PREB: variants seen among roughly 807,000 people sequenced by gnomAD.
PREB encodes prolactin regulatory element binding, also known as guanine nucleotide-exchange factor SEC12.
In PREB, 29 loss-of-function variants were observed where a neutral mutation model predicts 46.7. That is an observed-to-expected ratio of 0.62 (90% CI 0.46 to 0.85). The LOEUF is 0.85. Ranked by LOEUF, PREB falls within the 40% of genes least tolerant of loss-of-function variation. PREB has a pLI of 0.00. For missense variants in PREB, 494 were observed against 528.4 expected (o/e 0.93, Z 0.64); for synonymous variants, 224 against 220.1 (o/e 1.02, Z -0.16).
rs1672316849 is a variant in PREB at position 27,132,411 on chromosome 2, C to T, written c.753-8G>A. Reference sequence around the variant, plus strand: ...TCTGGAACCTGCCCAAACCTGGGGGCCGGATGAGGGGCTATTCAGCTCCTA... The same window carrying T: ...TCTGGAACCTGCCCAAACCTGGGGGTCGGATGAGGGGCTATTCAGCTCCTA... On this transcript the variant is annotated splice_region_variant and splice_polypyrimidine_tract_variant and intron_variant, in intron 5 of 8. Transcript: ENST00000260643. The surrounding 1 kb of genome is among the most constrained non-coding windows in gnomAD (Gnocchi z 4.0). 7 of 1,608,234 alleles carry T rather than the reference C, an allele frequency of 4.4e-6. No homozygotes were observed. The highest frequency in any genetic ancestry group is 5.9e-6 in the Non-Finnish European group (7 of 1,177,974).
intron 8 of PREB, 30 bp downstream of exon 8, chr2:27,131,642 G>A: frequency 6.2e-7 from 1 of 1,611,000 alleles, no homozygotes; most frequent in African/African-American, 1.3e-5. Context: ...ACGTGGGGTG[G>A]TGCCTGCCTG....
In PREB at chr2:27,132,384, G is replaced by A; in HGVS notation, c.772C>T (p.Gln258Ter). 1 of 1,612,056 alleles carries A rather than the reference G, an allele frequency of 6.2e-7. No homozygotes were observed. The highest frequency in any genetic ancestry group is 1.7e-5 in the Admixed American group (1 of 60,018). ...GTGAAGAGTCGCAGGCCAGCAGGCT[G>A]GTCTGGAACCTGCCCAAACCTGGGG... ...QACRFGQVPD[Q>*]PAGLRLFTVQ... The change falls in exon 6 of 9, where the codon CAG (glutamine) becomes TAG (stop). Residue 258 changes from glutamine to a stop codon, truncating the protein, a stop_gained. Transcript: ENST00000260643. LOFTEE classifies it high-confidence loss of function. This position sits in a 1 kb window ranked among gnomAD's most constrained non-coding sequence, Gnocchi z 4.0.
In PREB at chr2:27,130,762, G is replaced by C. The variant is rs41288799; in HGVS notation, c.*652C>G. The C allele has an allele frequency of 0.032, 51,869 of 1,609,370 alleles. 1,001 individuals are homozygous for C. Among genetic ancestry groups the C allele is most frequent in the Non-Finnish European group, 0.038 (45,066 of 1,175,838 alleles). On this transcript the variant is annotated 3_prime_UTR_variant, in exon 9 of 9. Coordinates refer to ENST00000260643, the MANE Select transcript of PREB (RefSeq NM_013388.6). ...ACAGCTGACAAGAGTACCATTTGGG[G>C]TCTCAGTTCACTCTTTCCTTGTTTA...
In PREB at chr2:27,133,912, C is replaced by T; in HGVS notation, c.136-191G>A. On this transcript the variant is annotated intron_variant, in intron 1 of 8. Coordinates refer to ENST00000260643, the MANE Select transcript of PREB (RefSeq NM_013388.6). ...GACTGGGATTATTACCTCTATTTTA[C>T]AGAACAGGGTGAAGCTCAGGAGAGG... The T allele has an allele frequency of 4.7e-6, 3 of 640,010 alleles. No homozygotes were observed. In the South Asian group the frequency reaches 6.0e-5, roughly 13 times the overall value. The allele number at this position is 640,010 out of a possible 1,614,324, so 39.6% of individuals were successfully genotyped here.
Position 27,132,414 on chromosome 2 carries a change from G to A in PREB, c.753-11C>T, listed in dbSNP as rs1269217175. ...GGAACCTGCCCAAACCTGGGGGCCG[G>A]ATGAGGGGCTATTCAGCTCCTAGGG... On this transcript the variant is annotated splice_polypyrimidine_tract_variant and intron_variant, in intron 5 of 8. Coordinates refer to ENST00000260643, the MANE Select transcript of PREB (RefSeq NM_013388.6). This position sits in a 1 kb window ranked among gnomAD's most constrained non-coding sequence, Gnocchi z 4.0. 2 of 1,608,262 alleles carry A rather than the reference G, an allele frequency of 1.2e-6. No individual in the cohort carries two copies. The highest frequency in any genetic ancestry group is 2.2e-5 in the East Asian group (1 of 44,828).
intron 1 of PREB, chr2:27,133,996 G>A (rs986359151): frequency 3.3e-6 from 2 of 606,486 alleles, no homozygotes; most frequent in Non-Finnish European, 5.7e-6. Flanking sequence ...GGGCAGGCAA[G>A]ACCTCCCGGA....
Position 27,132,393 on chromosome 2 carries a change from C to A in PREB, c.763G>T (p.Val255Phe). 1 of 1,610,690 alleles carries A rather than the reference C, an allele frequency of 6.2e-7. No homozygotes were observed. The highest frequency in any genetic ancestry group is 2.2e-5 in the East Asian group (1 of 44,836). ...YRYQACRFGQ[V>F]PDQPAGLRLF... is the part of the protein sequence containing the mutation. ...CGCAGGCCAGCAGGCTGGTCTGGAA[C>A]CTGCCCAAACCTGGGGGCCGGATGA... Residue 255 changes from valine (V) to phenylalanine (F), a missense_variant, in exon 6 of 9, where the codon GTT becomes TTT. Transcript: ENST00000260643. This position sits in a 1 kb window ranked among gnomAD's most constrained non-coding sequence, Gnocchi z 4.0.
Position 27,132,563 on chromosome 2 carries a change from G to A in PREB, c.752+40C>T, listed in dbSNP as rs1672324664. On this transcript the variant is annotated intron_variant, in intron 5 of 8. Coordinates refer to ENST00000260643, the MANE Select transcript of PREB (RefSeq NM_013388.6). This position sits in a 1 kb window ranked among gnomAD's most constrained non-coding sequence, Gnocchi z 4.0. The stretch of plus-strand genomic sequence containing the variant: ...CTTTTCCCTCTCCCCCACCACAGCT[G>A]GGCTATGCCTCTTTCAGCCACCACC... 1.1e-5 allele frequency: 17 copies of A among 1,611,966 alleles called. No individual in the cohort carries two copies. The highest frequency in any genetic ancestry group is 1.4e-5 in the Non-Finnish European group (17 of 1,179,244).
Position 27,132,359 on chromosome 2 carries a change from G to C in PREB, c.797C>G (p.Thr266Arg). 6.2e-7 allele frequency: 1 copy of C among 1,613,652 alleles called. No homozygotes were observed. Among genetic ancestry groups the C allele is most frequent in the Non-Finnish European group, 8.5e-7 (1 of 1,179,990 alleles). Residue 266 changes from threonine to arginine, a missense_variant, in exon 6 of 9, where the codon ACA becomes AGA. Coordinates refer to ENST00000260643, the MANE Select transcript of PREB (RefSeq NM_013388.6). This position sits in a 1 kb window ranked among gnomAD's most constrained non-coding sequence, Gnocchi z 4.0. ...CAGGCGCTTGTGGGGAATTTGCACT[G>C]TGAAGAGTCGCAGGCCAGCAGGCTG... ...PDQPAGLRLF[T>R]VQIPHKRLRQ... is the part of the protein sequence containing the mutation.
At position 27,133,761 on chromosome 2, in the gene PREB, C is replaced by T. The variant is rs776946527; in HGVS notation, c.136-40G>A. On this transcript the variant is annotated intron_variant, in intron 1 of 8. Transcript: ENST00000260643. ...ACCCGGATGAGCAAGTTCAGGGGTG[C>T]CCAGAGAGCACGTTTAGGGAAGAGT... 3.1e-6 allele frequency: 5 copies of T among 1,589,890 alleles called. No homozygotes were observed. In the South Asian group the frequency reaches 4.5e-5, roughly 14 times the overall value.
chr2:27,133,614 G>A lies in PREB; in HGVS notation c.243C>T (p.Ile81=). The stretch of plus-strand genomic sequence containing the variant: ...AGTGGGCATCCTGCCCTGCAGCAAG[G>A]ATGTCACCAGCCAGTGCCAAGTTCA... ...ATMNLALAGD[I]LAAGQDAHCQ... The change falls in exon 2 of 9, where the codon ATC becomes ATT. Residue 81 remains isoleucine (I), a synonymous_variant. Transcript: ENST00000260643. The A allele has an allele frequency of 3.1e-6, 5 of 1,614,204 alleles. No individual in the cohort carries two copies. The highest frequency in any genetic ancestry group is 4.2e-6 in the Non-Finnish European group (5 of 1,180,038).
rs1374473844 is a variant in PREB, at chr2:27,131,763, A to C, written c.1068T>G (p.Gly356=). 1.9e-6 allele frequency: 3 copies of C among 1,613,986 alleles called. No individual in the cohort carries two copies. The highest frequency in any genetic ancestry group is 2.5e-6 in the Non-Finnish European group (3 of 1,179,940). ...GGGACCCAAGGAGCTCTGGACCACG[A>C]CCCTTCTCAGGTAGAAAGGCCACAT... The part of the protein sequence containing the change: ...VTDVAFLPEK[G]RGPELLGSHE... Residue 356 remains glycine, a synonymous_variant, in exon 8 of 9, where the codon GGT becomes GGG. Coordinates refer to ENST00000260643, the MANE Select transcript of PREB (RefSeq NM_013388.6).
chr2:27,134,378 G>A lies in PREB; in HGVS notation c.44C>T (p.Pro15Leu), dbSNP rs762876469. 3.8e-5 allele frequency: 61 copies of A among 1,610,228 alleles called. No homozygotes were observed. The South Asian group carries it at 5.1e-4, about 13-fold the overall frequency. Reference sequence around the variant, plus strand: ...GGGGTCGACCTGAAGCGCGTACAACGGGAACGGAGCCCGGTACAGCTCTGG... The same window carrying A: ...GGGGTCGACCTGAAGCGCGTACAACAGGAACGGAGCCCGGTACAGCTCTGG... Reference protein sequence around the residue: ...RAPELYRAPFPLYALQVDPST... With the variant: ...RAPELYRAPFLLYALQVDPST... The change falls in exon 1 of 9, where the codon CCG becomes CTG. Residue 15 changes from proline (P) to leucine (L), a missense_variant. By Grantham distance (98) the Pro-to-Leu change is moderately conservative. Transcript: ENST00000260643.
intron 7 of PREB, 79 bp from the exon 8 acceptor site, chr2:27,131,910 G>A (rs1019133136): frequency 2.5e-6 from 4 of 1,592,098 alleles, no homozygotes; most frequent in Non-Finnish European, 3.4e-6. Context: ...CCACCCCCAG[G>A]ATTTCCCTCG....
chr2:27,131,971 C>G (rs775136504), intron 7 of PREB, 39 bp downstream of exon 7: 1 of 1,602,034 alleles, frequency 6.2e-7, no homozygotes, highest in South Asian at 1.1e-5. Flanking sequence ...GACAGGCCTA[C>G]AGTCCACCCA....
rs746704895 is a variant in PREB at position 27,133,570 on chromosome 2, T to C, written c.287A>G (p.Gln96Arg). ...QDAHCQLLRF[Q>R]AHQQQGNKAE... ...CTTGTTGCCCTGCTGTTGATGTGCC[T>C]GGAAGCGCAGGAGCTGACAGTGGGC... is the stretch of plus-strand genomic sequence containing the variant. The change falls in exon 2 of 9, where the codon CAG (glutamine) becomes CGG (arginine). Residue 96 changes from glutamine to arginine, a missense_variant. Gln to Arg is a conservative substitution (Grantham distance 43, BLOSUM62 1). Coordinates refer to ENST00000260643, the MANE Select transcript of PREB (RefSeq NM_013388.6). The C allele has an allele frequency of 6.2e-6, 10 of 1,613,980 alleles. No individual in the cohort carries two copies. The highest frequency in any genetic ancestry group is 1.3e-5 in the African/African-American group (1 of 74,944).
At chr2:27,134,209 GC>G in intron 1 of PREB, 77 bp downstream of exon 1, 1 of 1,442,972 alleles carries the variant, frequency 6.9e-7, no homozygotes. Flanking sequence ...AGTGTGGCCC[GC>G]CCCGCGACCC....
At chr2:27,134,127 T>C in intron 1 of PREB, 160 bp downstream of exon 1, 1 of 980,474 alleles carries the variant, frequency 1.0e-6, no homozygotes, top group Non-Finnish European at 1.5e-6. Context: ...CGCTGAGTTC[T>C]CGACTGAAAT....
rs376415613 is a variant in PREB, at chr2:27,133,490, G to A, written c.325+42C>T. On this transcript the variant is annotated intron_variant, in intron 2 of 8. Transcript: ENST00000260643. ...AGAGACACCAAGAGTGACCTTACTCGTTCAACCCTTTCCCCAAGGGGGTAG... is the reference window on the plus strand; with the variant it reads ...AGAGACACCAAGAGTGACCTTACTCATTCAACCCTTTCCCCAAGGGGGTAG... The A allele has an allele frequency of 2.5e-6, 4 of 1,602,738 alleles. No individual in the cohort carries two copies. The South Asian group carries it at 4.5e-5, about 18-fold the overall frequency.
Sources: gnomAD v4.1 joint callset for allele counts on GRCh38, gnomAD v4.1.1 for gene constraint, Gnocchi (gnomAD v3.1) non-coding constraint, MANE v1.5 for transcripts, NCBI Gene and HGNC (gene_info 2026-07-23, HGNC 2026-07-21) for gene names.